Variants in TRAF2 observed in about 807,000 individuals in gnomAD.
TRAF2 encodes the protein TNF receptor associated factor 2.
In TRAF2, 6 loss-of-function variants were observed where a neutral mutation model predicts 55.6. The observed-to-expected ratio is 0.11, with a 90% CI of 0.06 to 0.21. The LOEUF is 0.21. Among genes scored for constraint, TRAF2 ranks in the 10% least tolerant of loss-of-function variants. The pLI, the probability that TRAF2 is intolerant of heterozygous loss-of-function variation, is 1.00. For synonymous variants in TRAF2, 329 were observed against 276.3 expected (o/e 1.19, Z -1.89); for missense variants, 561 against 684.5 (o/e 0.82, Z 2.01).
upstream of TRAF2, among the ~76,000 whole-genome samples, chr9:136,885,767 CA>C (rs71385778): frequency 4.2e-4 from 60 of 144,182 alleles, no homozygotes; most frequent in African/African-American, 5.6e-4. Context: ...GCCTCCGTCT[CA>C]AAAAAAAAAA....
intron 1 of TRAF2, 90 bp from the exon 2 acceptor site, chr9:136,898,623 C>T (rs1222276158): frequency 2.0e-6 from 3 of 1,537,500 alleles, no homozygotes; most frequent in Non-Finnish European, 2.6e-6. Flanking sequence ...CGGCCCCTCA[C>T]CATCGCCTGC....
intron 1 of TRAF2, 54 bp downstream of exon 1, chr9:136,886,595 G>A (rs1347556629): frequency 3.1e-6 from 3 of 977,690 alleles, no homozygotes; most frequent in Non-Finnish European, 3.6e-6. Flanking sequence ...GGGGTCGGGT[G>A]CGGGGTCGGG....
At chr9:136,908,396 A>G (rs1850010906) in intron 5 of TRAF2, among the ~76,000 whole-genome samples, 165 bp downstream of exon 5, 1 of 152,206 alleles carries the variant, frequency 6.6e-6, no homozygotes, top group Non-Finnish European at 1.5e-5. Flanking sequence ...AGAACTGGGA[A>G]TGGGTGTGAA....
intron 4 of TRAF2, among the ~76,000 whole-genome samples, chr9:136,903,553 CTG>C (rs988681783): frequency 1.4e-4 from 16 of 116,262 alleles, no homozygotes; most frequent in African/African-American, 4.3e-4. Context: ...TTTTTTTAAA[CTG>C]TGTCTGCTGT....
intron 1 of TRAF2, among the ~76,000 whole-genome samples, chr9:136,897,261 A>G (rs1478637382): frequency 6.6e-6 from 1 of 152,010 alleles, no homozygotes; most frequent in East Asian, 1.9e-4. Context: ...AAGAGTGGGC[A>G]TGGCACTGAG....
chr9:136,891,103 TG>T (rs753090249), intron 1 of TRAF2, among the ~76,000 whole-genome samples: 4 of 152,020 alleles, frequency 2.6e-5, no homozygotes, highest in East Asian at 1.9e-4. Context: ...TTTTTAGATT[TG>T]TTTTTTTATG....
At chr9:136,920,785 A>G (rs1172880877) in intron 8 of TRAF2, among the ~76,000 whole-genome samples, 2 of 152,156 alleles carry the variant, frequency 1.3e-5, no homozygotes, top group Non-Finnish European at 2.9e-5. Flanking sequence ...AGAGTCAGCC[A>G]TGGATGGGGA....
intron 4 of TRAF2, among the ~76,000 whole-genome samples, chr9:136,905,754 T>TG (rs1849933042): frequency 6.6e-6 from 1 of 152,096 alleles, no homozygotes; most frequent in Non-Finnish European, 1.5e-5. Context: ...CCCAGTACTT[T>TG]GGGAGGCTTA....
At position 136,925,293 on chromosome 9, in the gene TRAF2, T is replaced by C. The variant is rs148004539; in HGVS notation, c.1288-390T>C. 3.9e-5 allele frequency among the ~76,000 whole-genome samples: 6 copies of C among 152,230 alleles called. No homozygotes were observed. The East Asian group carries it at 1.2e-3, about 29-fold the overall frequency. On this transcript the variant is annotated intron_variant, in intron 10 of 10. Coordinates refer to ENST00000247668, the MANE Select transcript of TRAF2 (RefSeq NM_021138.4). ...CTCAGGTTCTCCCTGAAAAGTGCTC[T>C]TCACGAGTGGGCAGTGGGTGCTTCA...
intron 5 of TRAF2, among the ~76,000 whole-genome samples, chr9:136,908,857 G>A (rs191092787): frequency 8.3e-4 from 109 of 130,556 alleles, no homozygotes; most frequent in Admixed American, 7.7e-3. Context: ...GCGACAGAGC[G>A]AGATTCCGTC....
chr9:136,917,030 G>A (rs7039663), intron 7 of TRAF2, among the ~76,000 whole-genome samples: 115,001 of 152,042 alleles, frequency 0.76, 43,682 homozygotes, highest in East Asian at 0.87. Context: ...TCCGCCACCA[G>A]CAGGCACTCG....
Position 136,926,132 on chromosome 9 carries a change from C to T in TRAF2, c.*231C>T, listed in dbSNP as rs768303565. 5.5e-5 allele frequency: 40 copies of T among 724,804 alleles called. No individual in the cohort carries two copies. The highest frequency in any genetic ancestry group is 1.3e-5 in the Non-Finnish European group (5 of 398,842). The allele number at this position is 724,804 out of a possible 1,614,324, so 44.9% of individuals were successfully genotyped here. A position where few individuals can be genotyped will look rare whatever the true frequency, so the allele number is the denominator to read the frequency against. On this transcript the variant is annotated 3_prime_UTR_variant, in exon 11 of 11. Coordinates refer to ENST00000247668, the MANE Select transcript of TRAF2 (RefSeq NM_021138.4). ...CTTGGCAGACGGTCTTAGCCAAGGGCTGTGGTGGCATTGGCCGAGGGTCTT... is the reference window on the plus strand; with the variant it reads ...CTTGGCAGACGGTCTTAGCCAAGGGTTGTGGTGGCATTGGCCGAGGGTCTT...
intron 1 of TRAF2, among the ~76,000 whole-genome samples, chr9:136,897,336 TG>T (rs1849702608): frequency 6.6e-6 from 1 of 152,178 alleles, no homozygotes; most frequent in South Asian, 2.1e-4. Context: ...TGCAGGGCGC[TG>T]AGGCCGTCTG....
upstream of TRAF2, chr9:136,882,140 T>G: frequency 1.3e-6 from 1 of 757,618 alleles, no homozygotes; most frequent in African/African-American, 1.9e-5. Flanking sequence ...ATGTGCAAGC[T>G]GGGCTCTGTC....
At chr9:136,887,251 TG>T (rs1849474805) in intron 1 of TRAF2, among the ~76,000 whole-genome samples, 1 of 152,244 alleles carries the variant, frequency 6.6e-6, no homozygotes, top group African/African-American at 2.4e-5. Context: ...GGGATGTTTG[TG>T]GAAGGTAGAG....
chr9:136,915,211 T>C (rs903167011), intron 6 of TRAF2, among the ~76,000 whole-genome samples: 7 of 152,068 alleles, frequency 4.6e-5, no homozygotes, highest in Non-Finnish European at 7.4e-5. Context: ...GTAAAATGGT[T>C]ACATGGCACC....
upstream of TRAF2, among the ~76,000 whole-genome samples, chr9:136,882,197 T>C (rs4880153): frequency 0.78 from 118,926 of 152,164 alleles, 46,921 homozygotes; most frequent in African/African-American, 0.89. Flanking sequence ...CCTTCAAGGG[T>C]GCCAACCACG....
chr9:136,891,711 G>A (rs1489082591), intron 1 of TRAF2, among the ~76,000 whole-genome samples: 2 of 151,100 alleles, frequency 1.3e-5, no homozygotes, highest in Non-Finnish European at 1.5e-5. Flanking sequence ...AAAAAAGAAC[G>A]CTCACCCTGA....
intron 6 of TRAF2, among the ~76,000 whole-genome samples, chr9:136,913,846 G>A (rs778828154): frequency 6.6e-6 from 1 of 152,030 alleles, no homozygotes; most frequent in African/African-American, 2.4e-5. Context: ...AGCCTTTCTC[G>A]GTGACCATGC....
Sources: gnomAD v4.1 joint callset for allele counts (sites outside exome capture counted in the v4.1 genomes callset) on GRCh38, gnomAD v4.1.1 for gene constraint, MANE v1.5 for transcripts, NCBI Gene and HGNC (gene_info 2026-07-23, HGNC 2026-07-21) for gene names.